ARHGAP24: variants seen among roughly 807,000 people sequenced by gnomAD.
ARHGAP24 encodes Rho GTPase activating protein 24.
Under a neutral mutation model 76.4 loss-of-function variants are expected in ARHGAP24, and 50 were observed. The observed-to-expected ratio is 0.65, with a 90% CI of 0.52 to 0.83. The LOEUF is 0.83. Ranked by LOEUF, ARHGAP24 falls within the 40% of genes least tolerant of loss-of-function variation. The probability of loss-of-function intolerance (pLI) is 0.00; values close to 1 mark genes in which losing one functional copy is unlikely to be tolerated. For missense variants in ARHGAP24, 930 were observed against 914.2 expected (o/e 1.02, Z -0.22); for synonymous variants, 345 against 323.3 (o/e 1.07, Z -0.72).
intron 3 of ARHGAP24, among the ~76,000 whole-genome samples, chr4:85,773,871 TAATA>T (rs1234453344): frequency 1.6e-4 from 24 of 152,236 alleles, no homozygotes; most frequent in African/African-American, 5.8e-4. Flanking sequence ...CAGAGACAAT[TAATA>T]AATATTTTAG....
chr4:85,796,049 T>G (rs1199435618), intron 3 of ARHGAP24, among the ~76,000 whole-genome samples: 2 of 152,134 alleles, frequency 1.3e-5, no homozygotes, highest in Admixed American at 6.5e-5. Flanking sequence ...GTATGCTGCA[T>G]GAAACATGTC....
chr4:85,597,897 G>T (rs1424353002), intron 2 of ARHGAP24, among the ~76,000 whole-genome samples: 1 of 152,062 alleles, frequency 6.6e-6, no homozygotes, highest in African/African-American at 2.4e-5. Flanking sequence ...AAATTTCCCA[G>T]TTAAAATATC....
At chr4:85,539,881 G>A (rs1006248717) in intron 1 of ARHGAP24, among the ~76,000 whole-genome samples, 2 of 151,804 alleles carry the variant, frequency 1.3e-5, no homozygotes, top group Non-Finnish European at 2.9e-5. Context: ...TTGTGAACCC[G>A]CATCTCTACA....
chr4:85,668,312 T>G (rs1339581885), intron 2 of ARHGAP24, among the ~76,000 whole-genome samples: 1 of 152,242 alleles, frequency 6.6e-6, no homozygotes, highest in Non-Finnish European at 1.5e-5. Flanking sequence ...CTAAACAGCT[T>G]TATTTCATTC....
chr4:85,767,890 A>G (rs1185451403), intron 3 of ARHGAP24, among the ~76,000 whole-genome samples: 1 of 152,220 alleles, frequency 6.6e-6, no homozygotes. Context: ...TAATGCTACA[A>G]TGCGTACACT....
At chr4:85,840,232 T>A (rs946801733) in intron 3 of ARHGAP24, among the ~76,000 whole-genome samples, 1 of 152,074 alleles carries the variant, frequency 6.6e-6, no homozygotes, top group African/African-American at 2.4e-5. Flanking sequence ...AAACAAAACA[T>A]AACAAGACAT....
rs202154518 is a variant in ARHGAP24 at position 86,000,309 on chromosome 4, T to TACA, written c.2004-165_2004-163dup. 2,665 of 588,168 alleles carry TACA rather than the reference T, an allele frequency of 4.5e-3. 51 individuals carry two copies. The highest frequency in any genetic ancestry group is 0.044 in the African/African-American group (2,402 of 54,842). The allele number at this position is 588,168 out of a possible 1,614,324, so 36.4% of individuals were successfully genotyped here. A position where few individuals can be genotyped will look rare whatever the true frequency, so the allele number is the denominator to read the frequency against. ...ATCATCTTAGCAAACAGTAAAATAA[T>TACA]ACAACAAAATTACATCCTTTAAATC... On this transcript the variant is annotated intron_variant, in intron 9 of 9. Transcript: ENST00000395184.
chr4:85,512,183 C>G (rs1237468899), intron 1 of ARHGAP24, among the ~76,000 whole-genome samples: 1 of 152,188 alleles, frequency 6.6e-6, no homozygotes, highest in Non-Finnish European at 1.5e-5. Context: ...ATTTCCTCCA[C>G]GAAGTAACTA....
At chr4:85,558,420 G>A (rs1726473601) in intron 1 of ARHGAP24, among the ~76,000 whole-genome samples, 1 of 152,168 alleles carries the variant, frequency 6.6e-6, no homozygotes, top group Non-Finnish European at 1.5e-5. Context: ...AAACTAAAGT[G>A]TGAAATAATC....
chr4:85,810,308 C>G (rs1007401870), intron 3 of ARHGAP24, among the ~76,000 whole-genome samples: 5 of 152,074 alleles, frequency 3.3e-5, no homozygotes, highest in Admixed American at 2.0e-4. Context: ...GAATAATATC[C>G]TGAGTAAGGA....
chr4:85,622,655 C>A (rs893539008), intron 2 of ARHGAP24, among the ~76,000 whole-genome samples: 5 of 152,096 alleles, frequency 3.3e-5, no homozygotes, highest in Admixed American at 2.0e-4. Flanking sequence ...AGTTCTAGAT[C>A]CCTGAGGAAT....
chr4:85,587,432 AAGC>A (rs1727907739), intron 2 of ARHGAP24, among the ~76,000 whole-genome samples: 1 of 152,174 alleles, frequency 6.6e-6, no homozygotes, highest in African/African-American at 2.4e-5. Context: ...TAAAAGAAAA[AAGC>A]ATCATCTAGC....
At chr4:85,540,578 G>A (rs1317419189) in intron 1 of ARHGAP24, among the ~76,000 whole-genome samples, 1 of 152,138 alleles carries the variant, frequency 6.6e-6, no homozygotes, top group Non-Finnish European at 1.5e-5. Context: ...TATACATTAA[G>A]TGTACAGTCT....
chr4:85,791,725 T>G (rs191777925), intron 3 of ARHGAP24, among the ~76,000 whole-genome samples: 137 of 152,322 alleles, frequency 9.0e-4, no homozygotes, highest in African/African-American at 3.2e-3. Flanking sequence ...CTGACCCACA[T>G]TGGACTGGTA....
intron 3 of ARHGAP24, among the ~76,000 whole-genome samples, chr4:85,884,510 G>C (rs184436419): frequency 8.4e-4 from 128 of 152,212 alleles, no homozygotes; most frequent in Admixed American, 5.8e-3. Flanking sequence ...GGTATTATGC[G>C]TGGTCACTGG....
intron 3 of ARHGAP24, among the ~76,000 whole-genome samples, chr4:85,744,587 A>C (rs2110062603): frequency 6.6e-6 from 1 of 152,248 alleles, no homozygotes; most frequent in African/African-American, 2.4e-5. Flanking sequence ...AGAGATAAAG[A>C]GAGGTTGAGC....
intron 3 of ARHGAP24, among the ~76,000 whole-genome samples, chr4:85,909,431 T>G (rs890396645): frequency 6.6e-6 from 1 of 152,206 alleles, no homozygotes; most frequent in African/African-American, 2.4e-5. Context: ...TAACAAAATA[T>G]TCTATCACGT....
At chr4:85,705,200 A>T (rs1324048937) in intron 2 of ARHGAP24, among the ~76,000 whole-genome samples, 1 of 152,132 alleles carries the variant, frequency 6.6e-6, no homozygotes, top group East Asian at 1.9e-4. Flanking sequence ...AATGCAAATT[A>T]TAAAATTAAT....
chr4:85,681,177 A>AT (rs1262986003), intron 2 of ARHGAP24, among the ~76,000 whole-genome samples: 1 of 151,778 alleles, frequency 6.6e-6, no homozygotes, highest in Non-Finnish European at 1.5e-5. Context: ...TCTTTTCTCA[A>AT]TTTTTTTATG....
Sources: allele counts gnomAD v4.1 joint callset (sites outside exome capture counted in the v4.1 genomes callset), GRCh38; gene constraint gnomAD v4.1.1; transcripts MANE v1.5; gene names NCBI Gene and HGNC (gene_info 2026-07-23, HGNC 2026-07-21).